SYT12: variants seen among roughly 807,000 people sequenced by gnomAD.
SYT12 encodes the protein synaptotagmin-12.
SYT12 carries 27 observed loss-of-function variants against 39.5 expected under a neutral mutation model. The observed-to-expected ratio is 0.68, with a 90% CI of 0.50 to 0.94. The LOEUF (loss-of-function observed/expected upper bound fraction) is 0.94. Ranked by LOEUF, SYT12 falls within the 40% of genes least tolerant of loss-of-function variation. The probability of loss-of-function intolerance (pLI) is 0.00; values close to 1 mark genes in which losing one functional copy is unlikely to be tolerated. For synonymous variants in SYT12, 233 were observed against 239.7 expected, an observed-to-expected ratio of 0.97 and a Z score of 0.26; for missense variants, 536 against 572.6, an observed-to-expected ratio of 0.94 and a Z score of 0.65.
At position 67,048,626 on chromosome 11, in the gene SYT12, G is replaced by A. The variant is rs367853628; in HGVS notation, c.1135G>A (p.Gly379Ser). The A allele has an allele frequency of 2.3e-5, 37 of 1,609,766 alleles. No homozygotes were observed. Among genetic ancestry groups the A allele is most frequent in the African/African-American group, 4.0e-5 (3 of 75,002 alleles). ...GACGGTGGCTGAGAGCAGCAGCGACGGCCGTGGGGACAACGTGGGCCATGT... is the reference window on the plus strand; with the variant it reads ...GACGGTGGCTGAGAGCAGCAGCGACAGCCGTGGGGACAACGTGGGCCATGT... ...RVTVAESSSDGRGDNVGHVII... is the reference protein window; with the variant it reads ...RVTVAESSSDSRGDNVGHVII... The change falls in exon 8 of 8, where the codon GGC becomes AGC. Residue 379 changes from glycine to serine, a missense_variant. Coordinates refer to ENST00000527043, the MANE Select transcript of SYT12 (RefSeq NM_177963.4).
chr11:67,030,119 C>G lies in SYT12; in HGVS notation c.-23-3C>G. 11 of 1,613,622 alleles carry G rather than the reference C, an allele frequency of 6.8e-6. No individual in the cohort carries two copies. Among genetic ancestry groups the G allele is most frequent in the Non-Finnish European group, 9.3e-6 (11 of 1,179,898 alleles). ...TCTCCTCTCACTCTCTTTTCCCTTCCAGTCACAGTCACTGCAGCAGACATC... is the reference window on the plus strand; with the variant it reads ...TCTCCTCTCACTCTCTTTTCCCTTCGAGTCACAGTCACTGCAGCAGACATC... On this transcript the variant is annotated splice_region_variant and splice_polypyrimidine_tract_variant and intron_variant, in intron 1 of 7. Coordinates refer to ENST00000527043, the MANE Select transcript of SYT12 (RefSeq NM_177963.4).
intron 1 of SYT12, among the ~76,000 whole-genome samples, chr11:67,025,242 G>C (rs916580053): frequency 1.3e-5 from 2 of 152,228 alleles, no homozygotes; most frequent in Non-Finnish European, 2.9e-5. Flanking sequence ...CAGGCACAGT[G>C]CTAAGCACTT....
chr11:67,045,503 G>A (rs1950600369), intron 6 of SYT12: 4 of 550,790 alleles, frequency 7.3e-6, no homozygotes, highest in South Asian at 4.1e-5. Context: ...TAGGAGGGGA[G>A]CGCGTGGGCT....
intron 7 of SYT12, 65 bp from the exon 8 acceptor site, chr11:67,048,519 C>T: frequency 6.5e-7 from 1 of 1,544,412 alleles, no homozygotes; most frequent in South Asian, 1.2e-5. Context: ...TAACCTTGAA[C>T]CCAGAGGCCA....
intron 7 of SYT12, among the ~76,000 whole-genome samples, chr11:67,046,624 G>C (rs936003089): frequency 2.0e-5 from 3 of 152,218 alleles, no homozygotes; most frequent in African/African-American, 7.2e-5. Context: ...CAGCATCTCT[G>C]GCCCATCCTG....
chr11:67,035,626 T>G (rs1426118241), intron 3 of SYT12, among the ~76,000 whole-genome samples: 1 of 150,608 alleles, frequency 6.6e-6, no homozygotes, highest in Non-Finnish European at 1.5e-5. Context: ...CCCAGCTAAT[T>G]TTTTGTATTT....
intron 1 of SYT12, chr11:67,007,601 G>C (rs1949981254): frequency 6.6e-6 from 1 of 152,140 alleles, no homozygotes; most frequent in Non-Finnish European, 1.5e-5. Context: ...TTTCACTGTT[G>C]TTGCCCGGGC....
intron 1 of SYT12, chr11:67,027,384 C>T (rs1769959562): frequency 6.6e-6 from 1 of 151,814 alleles, no homozygotes; most frequent in South Asian, 2.1e-4. Context: ...CCTGTAATCC[C>T]AGCTACTTGG....
upstream of SYT12, among the ~76,000 whole-genome samples, chr11:67,019,758 C>T (rs554201354): frequency 4.6e-5 from 7 of 151,930 alleles, no homozygotes; most frequent in African/African-American, 1.4e-4. Context: ...ATTAGCCATG[C>T]GTGGTGGCGT....
At chr11:67,034,416 A>T (rs946133932) in intron 2 of SYT12, among the ~76,000 whole-genome samples, 2 of 152,246 alleles carry the variant, frequency 1.3e-5, no homozygotes, top group Non-Finnish European at 2.9e-5. Context: ...TGCTCAGACT[A>T]TAAGTGTAAT....
chr11:67,007,256 A>G (rs556640530), exon 1 of SYT12: 1 of 152,394 alleles, frequency 6.6e-6, no homozygotes, highest in East Asian at 1.9e-4. Flanking sequence ...GAAGCCCAGA[A>G]GACACTCATC....
intron 1 of SYT12, among the ~76,000 whole-genome samples, chr11:67,025,540 C>G (rs942870038): frequency 2.6e-5 from 4 of 152,064 alleles, no homozygotes. Flanking sequence ...CTGCCCTGGT[C>G]CCACTGTACC....
intron 4 of SYT12, 49 bp from the exon 5 acceptor site, chr11:67,043,589 C>T (rs1184979349): frequency 2.5e-6 from 4 of 1,577,100 alleles, no homozygotes; most frequent in Non-Finnish European, 3.5e-6. Context: ...TGTCTCCCTG[C>T]TGTGGCCTCT....
intron 2 of SYT12, chr11:67,032,214 C>G (rs1344371491): frequency 6.6e-6 from 1 of 152,224 alleles, no homozygotes; most frequent in African/African-American, 2.4e-5. Flanking sequence ...CTCTGCATTG[C>G]CACAGTGCCA....
chr11:67,037,687 C>A (rs1163907429), intron 3 of SYT12, among the ~76,000 whole-genome samples: 1 of 151,850 alleles, frequency 6.6e-6, no homozygotes, highest in Non-Finnish European at 1.5e-5. Context: ...TCGAGACCAG[C>A]CTGACCAACA....
intron 4 of SYT12, among the ~76,000 whole-genome samples, chr11:67,040,699 G>A (rs1234479125): frequency 1.3e-5 from 2 of 151,972 alleles, no homozygotes; most frequent in Non-Finnish European, 2.9e-5. Context: ...TTAGCCGGGC[G>A]TGGTGGCGGG....
At chr11:67,040,296 A>T in intron 4 of SYT12, 93 bp downstream of exon 4, 1 of 1,485,738 alleles carries the variant, frequency 6.7e-7, no homozygotes, top group Non-Finnish European at 9.0e-7. Context: ...AGGATCCCAG[A>T]AAGGCAGTAG....
chr11:67,029,115 C>T (rs1000498622), intron 1 of SYT12: 3 of 152,270 alleles, frequency 2.0e-5, no homozygotes, highest in Admixed American at 6.5e-5. Flanking sequence ...GCCAGATTTA[C>T]TTCTTAGCAC....
At chr11:67,046,071 G>C (rs1245831588) in intron 7 of SYT12, among the ~76,000 whole-genome samples, 194 bp downstream of exon 7, 7 of 151,998 alleles carry the variant, frequency 4.6e-5, no homozygotes, top group Non-Finnish European at 8.8e-5. Context: ...GGCTTTCTCG[G>C]TGCTCACAAG....
Sources: allele counts gnomAD v4.1 joint callset (sites outside exome capture counted in the v4.1 genomes callset), GRCh38; gene constraint gnomAD v4.1.1; transcripts MANE v1.5; gene names NCBI Gene and HGNC (gene_info 2026-07-23, HGNC 2026-07-21).